Variants in CCSER1 observed in about 807,000 individuals in gnomAD.
CCSER1 encodes the protein coiled-coil serine rich protein 1, also known as serine-rich coiled-coil domain-containing protein 1.
In CCSER1, 41 loss-of-function variants were observed where a neutral mutation model predicts 82.0. The ratio of observed to expected loss-of-function variants is 0.50; its 90% confidence interval spans 0.39 to 0.65. The LOEUF is 0.65. CCSER1 is among the 30% of genes least tolerant of loss of function. CCSER1 has a pLI of 0.00. For missense variants in CCSER1, 1,119 were observed against 1,064.2 expected (o/e 1.05, Z -0.72); for synonymous variants, 414 against 383.9 (o/e 1.08, Z -0.92).
At chr4:90,986,676 G>A (rs1365311511) in intron 9 of CCSER1, among the ~76,000 whole-genome samples, 1 of 151,668 alleles carries the variant, frequency 6.6e-6, no homozygotes, top group African/African-American at 2.4e-5. Context: ...CAATCATCAA[G>A]TTTGAGTTGG....
chr4:91,279,438 AT>A lies in CCSER1; in HGVS notation c.2217+193452del, dbSNP rs200554829. On this transcript the variant is annotated intron_variant, in intron 10 of 10. Transcript: ENST00000509176. ...TCATAGATTTTGTTCATTTATTTTT[AT>A]TTTTTTTCCTTTATCTTTGTCTGAC... is the stretch of plus-strand genomic sequence containing the variant. Among the ~76,000 whole-genome samples, 1,130 of 151,500 alleles carry A rather than the reference AT, an allele frequency of 7.5e-3. 10 individuals are homozygous for A. Among genetic ancestry groups the A allele is most frequent in the African/African-American group, 0.022 (891 of 41,294 alleles).
intron 10 of CCSER1, among the ~76,000 whole-genome samples, chr4:91,396,923 T>C (rs1217046452): frequency 3.3e-5 from 5 of 152,078 alleles, no homozygotes; most frequent in East Asian, 1.9e-4. Context: ...AAAAGGACCA[T>C]TGACCCTCAA....
At position 90,835,135 on chromosome 4, in the gene CCSER1, C is replaced by T. The variant is rs137912837; in HGVS notation, c.2094+19290C>T. ...TCACGAGGTCAGCAGATTAAGACCA[C>T]CCTGGCTAACACGGTGAAACGCCGT... On this transcript the variant is annotated intron_variant, in intron 8 of 10. Transcript: ENST00000509176. 8.6e-3 allele frequency among the ~76,000 whole-genome samples: 1,307 copies of T among 152,112 alleles called. 23 individuals are homozygous for T. The highest frequency in any genetic ancestry group is 0.029 in the African/African-American group (1,216 of 41,506).
intron 10 of CCSER1, among the ~76,000 whole-genome samples, chr4:91,597,757 C>G (rs547579302): frequency 6.7e-6 from 1 of 150,040 alleles, no homozygotes; most frequent in East Asian, 2.0e-4. Flanking sequence ...AACAATAAAT[C>G]CTTCATTTTT....
chr4:90,265,110 A>T (rs16996221), intron 1 of CCSER1, among the ~76,000 whole-genome samples: 8,409 of 151,960 alleles, frequency 0.055, 644 homozygotes, highest in African/African-American at 0.17. Flanking sequence ...AGACCTTTAT[A>T]GAGTGTGTTG....
At chr4:91,109,930 A>G (rs1323054321) in intron 10 of CCSER1, among the ~76,000 whole-genome samples, 1 of 152,182 alleles carries the variant, frequency 6.6e-6, no homozygotes, top group African/African-American at 2.4e-5. Context: ...TCATTAAATT[A>G]TCTCAAAACC....
chr4:91,017,970 T>C (rs539496156), intron 9 of CCSER1, among the ~76,000 whole-genome samples: 1 of 152,160 alleles, frequency 6.6e-6, no homozygotes, highest in South Asian at 2.1e-4. Flanking sequence ...TTAATAATCT[T>C]TTCTAGGAAC....
chr4:90,276,780 T>A (rs1727901271), intron 1 of CCSER1, among the ~76,000 whole-genome samples: 1 of 152,204 alleles, frequency 6.6e-6, no homozygotes, highest in East Asian at 1.9e-4. Context: ...CAGTGTTTTG[T>A]CATTCTCCTT....
intron 7 of CCSER1, among the ~76,000 whole-genome samples, chr4:90,809,331 C>T (rs1045390377): frequency 6.6e-6 from 1 of 151,724 alleles, no homozygotes; most frequent in African/African-American, 2.4e-5. Context: ...CACACACACA[C>T]ACACACACAC....
intron 10 of CCSER1, among the ~76,000 whole-genome samples, chr4:91,362,948 G>A (rs2149314439): frequency 6.6e-6 from 1 of 151,754 alleles, no homozygotes; most frequent in East Asian, 1.9e-4. Context: ...TCCTGAAAAA[G>A]CCTGTTACCC....
At chr4:90,461,582 T>C (rs1222224151) in intron 4 of CCSER1, among the ~76,000 whole-genome samples, 2 of 152,154 alleles carry the variant, frequency 1.3e-5, no homozygotes, top group Non-Finnish European at 2.9e-5. Flanking sequence ...TTGAATTATT[T>C]CCATTTCTCA....
intron 3 of CCSER1, among the ~76,000 whole-genome samples, chr4:90,375,042 A>G (rs936236139): frequency 6.6e-6 from 1 of 152,172 alleles, no homozygotes; most frequent in Admixed American, 6.5e-5. Context: ...AAACCTAGAA[A>G]GAAGATTGGC....
intron 10 of CCSER1, among the ~76,000 whole-genome samples, chr4:91,094,161 A>G (rs2870297): frequency 0.015 from 2,226 of 152,272 alleles, 59 homozygotes; most frequent in African/African-American, 0.049. Flanking sequence ...TTGTCCACGT[A>G]CTGGAGCAAG....
chr4:91,451,568 A>G (rs1257841536), intron 10 of CCSER1, among the ~76,000 whole-genome samples: 3 of 151,996 alleles, frequency 2.0e-5, no homozygotes, highest in Non-Finnish European at 4.4e-5. Flanking sequence ...TCCAGAAATG[A>G]CAAATAATAG....
At chr4:91,115,860 T>TA (rs1554069623) in intron 10 of CCSER1, among the ~76,000 whole-genome samples, 19,614 of 123,604 alleles carry the variant, frequency 0.16, 1,743 homozygotes, top group African/African-American at 0.25. Flanking sequence ...TATATATATA[T>TA]TTTTTTTTAT....
intron 6 of CCSER1, among the ~76,000 whole-genome samples, chr4:90,722,778 G>A (rs1441634011): frequency 1.3e-5 from 2 of 151,810 alleles, no homozygotes; most frequent in African/African-American, 4.8e-5. Context: ...TCTGGACTAG[G>A]GAGTCATAAG....
intron 10 of CCSER1, among the ~76,000 whole-genome samples, chr4:91,473,926 G>A (rs1405457825): frequency 6.6e-6 from 1 of 151,972 alleles, no homozygotes; most frequent in Admixed American, 6.6e-5. Context: ...AGACTATTCT[G>A]AAAAACAAGT....
At chr4:90,213,366 T>G (rs1740391814) in intron 1 of CCSER1, among the ~76,000 whole-genome samples, 1 of 152,066 alleles carries the variant, frequency 6.6e-6, no homozygotes, top group Non-Finnish European at 1.5e-5. Context: ...TCCTTTGGGA[T>G]GTGGTAAGGT....
At chr4:91,489,817 G>A (rs1223656824) in intron 10 of CCSER1, among the ~76,000 whole-genome samples, 2 of 72,006 alleles carry the variant, frequency 2.8e-5, no homozygotes, top group Non-Finnish European at 6.7e-5. Context: ...GCTTCCTAAA[G>A]GACTTCTTGG....
Sources: allele counts gnomAD v4.1 joint callset (sites outside exome capture counted in the v4.1 genomes callset), GRCh38; gene constraint gnomAD v4.1.1; transcripts MANE v1.5; gene names NCBI Gene and HGNC (gene_info 2026-07-23, HGNC 2026-07-21).